Variants in PDLIM2 observed in about 807,000 individuals in gnomAD.
PDLIM2 encodes PDZ and LIM domain 2, also known as PDZ and LIM domain protein 2.
PDLIM2 carries 51 observed loss-of-function variants against 54.1 expected under a neutral mutation model. The ratio of observed to expected loss-of-function variants is 0.94; its 90% CI spans 0.75 to 1.19. The LOEUF is 1.19. PDLIM2 is among the 50% of genes most tolerant of loss of function. The probability of loss-of-function intolerance (pLI) is 0.00; values close to 1 mark genes in which losing one functional copy is unlikely to be tolerated. For synonymous variants in PDLIM2, 398 were observed against 385.6 expected, an observed-to-expected ratio of 1.03 and a Z score of -0.38; for missense variants, 912 against 874.0, an observed-to-expected ratio of 1.04 and a Z score of -0.55.
At chr8:22,591,235 C>G in intron 8 of PDLIM2, 1 of 381,990 alleles carries the variant, frequency 2.6e-6, no homozygotes, top group Non-Finnish European at 4.8e-6. Context: ...GTTGCCATCT[C>G]CAGTTATTAT....
downstream of PDLIM2, chr8:22,595,577 T>C (rs1365298749): frequency 2.0e-5 from 3 of 152,254 alleles, no homozygotes; most frequent in Admixed American, 6.5e-5. Flanking sequence ...AGGGCTACCT[T>C]GGAACGCACC....
At chr8:22,584,932 AC>A in intron 4 of PDLIM2, 42 bp downstream of exon 3, 1 of 1,613,626 alleles carries the variant, frequency 6.2e-7, no homozygotes, top group Non-Finnish European at 8.5e-7. Context: ...CACCCTGATC[AC>A]TGGTGCATGA....
chr8:22,589,270 C>T (rs1047420464), intron 6 of PDLIM2, 28 bp from the exon 6 acceptor site: 7 of 1,533,176 alleles, frequency 4.6e-6, no homozygotes, highest in East Asian at 4.9e-5. Context: ...CTGGCCCTGA[C>T]TCCTCCCCGG....
rs1026881236 is a variant in PDLIM2 at position 22,578,894 on chromosome 8, A to T, written c.115A>T (p.Ser39Cys). 50 of 1,238,000 alleles carry T rather than the reference A, an allele frequency of 4.0e-5. No individual in the cohort carries two copies. In the African/African-American group the frequency reaches 5.0e-4, roughly 12 times the overall value. The allele number at this position is 1,238,000 out of a possible 1,614,324, so 76.7% of individuals were successfully genotyped here. A position where few individuals can be genotyped will look rare whatever the true frequency, so the allele number is the denominator to read the frequency against. ...GGACCGGCTCTGCTGTGCTCCGGGC[A>T]GTCGGGGGCTTGCGGGCGCTCCGGG... Residue 39 changes from serine (S) to cysteine (C), a missense_variant, in exon 1 of 10, where the codon AGT becomes TGT. By Grantham distance (112) the Ser-to-Cys change is moderately radical. Coordinates refer to ENST00000308354, the Ensembl canonical transcript of PDLIM2.
At chr8:22,580,438 G>GGA in intron 1 of PDLIM2, 37 bp from the exon 1 acceptor site, 1 of 1,442,730 alleles carries the variant, frequency 6.9e-7, no homozygotes, top group East Asian at 2.5e-5. Context: ...CCGGGCTGAG[G>GGA]GAGGGAGTTA....
At chr8:22,583,560 G>C (rs1800274718) in intron 3 of PDLIM2, among the ~76,000 whole-genome samples, 1 of 152,162 alleles carries the variant, frequency 6.6e-6, no homozygotes, top group Admixed American at 6.5e-5. Context: ...GAGGTCAGGA[G>C]TTCAAGACCA....
rs865797345 is a variant in PDLIM2, at chr8:22,582,914, C to G, written c.995+1384C>G. Among the ~76,000 whole-genome samples, 56 of 108,524 alleles carry G rather than the reference C, an allele frequency of 5.2e-4. 1 individual carries two copies. In the East Asian group the frequency reaches 0.018, roughly 35 times the overall value. The allele number at this position is 108,524 out of a possible 152,430, so 71.2% of individuals were successfully genotyped here. ...CTTTTGCTGACGTGATGCCCACCCC[C>G]CCCCCCGCCCCCATCTCCCGCCTCC... On this transcript the variant is annotated intron_variant, in intron 3 of 9. Transcript: ENST00000308354.
In PDLIM2 at chr8:22,581,554, C is replaced by G. The variant is rs1266294935; in HGVS notation, c.995+24C>G. The G allele has an allele frequency of 1.2e-5, 18 of 1,543,024 alleles. 1 individual carries two copies. The African/African-American group carries it at 1.5e-4, about 13-fold the overall frequency. On this transcript the variant is annotated intron_variant, in intron 3 of 9. Coordinates refer to ENST00000308354, the Ensembl canonical transcript of PDLIM2. ...CGGTAGGGCCTCCCGCTCTGCAGAGCCTGTGGCATTCCCCCTCCTCCACCA... is the reference window on the plus strand; with the variant it reads ...CGGTAGGGCCTCCCGCTCTGCAGAGGCTGTGGCATTCCCCCTCCTCCACCA...
chr8:22,587,292 G>A (rs1026334872), intron 6 of PDLIM2, among the ~76,000 whole-genome samples: 2 of 152,022 alleles, frequency 1.3e-5, no homozygotes, highest in African/African-American at 2.4e-5. Flanking sequence ...CAGCTACTCC[G>A]GAGGCTGGGG....
At chr8:22,585,075 C>T in exon 5 of PDLIM2, 1 of 1,614,068 alleles carries the variant, frequency 6.2e-7, no homozygotes, top group South Asian at 1.1e-5. Context: ...TACTCCAGCC[C>T]AACCTCCCTC....
intron 1 of PDLIM2, chr8:22,580,082 G>C: frequency 5.0e-6 from 1 of 201,932 alleles, no homozygotes; most frequent in Non-Finnish European, 1.0e-5. Flanking sequence ...GACTTACACA[G>C]TCTGTACTGG....
In PDLIM2 at chr8:22,581,368, C is replaced by T; in HGVS notation, c.844-11C>T. 6.3e-7 allele frequency: 1 copy of T among 1,591,432 alleles called. No individual in the cohort carries two copies. The highest frequency in any genetic ancestry group is 8.5e-7 in the Non-Finnish European group (1 of 1,170,886). On this transcript the variant is annotated splice_polypyrimidine_tract_variant and intron_variant, in intron 2 of 9. Coordinates refer to ENST00000308354, the Ensembl canonical transcript of PDLIM2. ...CCACGGTCTGAGCATGCCAGCTCCTCATCCCTACAGGTGGCCGAGCGGGGC... is the reference window on the plus strand; with the variant it reads ...CCACGGTCTGAGCATGCCAGCTCCTTATCCCTACAGGTGGCCGAGCGGGGC...
chr8:22,589,300 C>G, exon 7 of PDLIM2: 1 of 1,533,916 alleles, frequency 6.5e-7, no homozygotes. Flanking sequence ...CCCAACAGGC[C>G]GGCCTCGGCC....
downstream of PDLIM2, chr8:22,595,012 T>C (rs143666909): frequency 1.1e-5 from 2 of 179,410 alleles, no homozygotes; most frequent in Non-Finnish European, 2.4e-5. Flanking sequence ...CAGGGGACAG[T>C]AGTCTCCCCT....
chr8:22,590,516 C>G (rs558930926), intron 8 of PDLIM2: 4 of 152,212 alleles, frequency 2.6e-5, no homozygotes, highest in Non-Finnish European at 5.9e-5. Context: ...GTTACTACTC[C>G]CACAGCCCCT....
rs760957362 is a variant in PDLIM2 at position 22,593,914 on chromosome 8, C to CGCCATGCCCTCAGCCT, written c.*8_*23dup. 15 of 1,548,018 alleles carry CGCCATGCCCTCAGCCT rather than the reference C, an allele frequency of 9.7e-6. No individual in the cohort carries two copies. The South Asian group carries it at 1.8e-4, about 18-fold the overall frequency. ...CACCCTCAGCTCTCGGGCCTGAGCC[C>CGCCATGCCCTCAGCCT]GCCATGCCCTCAGCCTGCCTCACTG... is the stretch of plus-strand genomic sequence containing the variant. On this transcript the variant is annotated 3_prime_UTR_variant, in exon 10 of 10. Coordinates refer to ENST00000308354, the Ensembl canonical transcript of PDLIM2.
At chr8:22,595,239 G>A (rs1359550561), downstream of PDLIM2, 6 of 152,500 alleles carry the variant, frequency 3.9e-5, no homozygotes, top group African/African-American at 1.4e-4. Flanking sequence ...GGCACCTGTA[G>A]ATATAATTTA....
At chr8:22,594,423 C>T (rs1339196510), downstream of PDLIM2, 10 of 1,585,762 alleles carry the variant, frequency 6.3e-6, no homozygotes, top group Non-Finnish European at 8.6e-6. Flanking sequence ...CAAATCCCAC[C>T]CCTGCCAGTT....
intron 2 of PDLIM2, 30 bp from the exon 2 acceptor site, chr8:22,581,349 T>G: frequency 1.9e-6 from 3 of 1,573,034 alleles, no homozygotes; most frequent in Non-Finnish European, 2.6e-6. Context: ...TGGGCCACGG[T>G]CTGAGCATGC....
Sources: gnomAD v4.1 joint callset for allele counts (sites outside exome capture counted in the v4.1 genomes callset) on GRCh38, gnomAD v4.1.1 for gene constraint, MANE v1.5 for transcripts, NCBI Gene and HGNC (gene_info 2026-07-23, HGNC 2026-07-21) for gene names.